TMPRSS11F: variants seen among roughly 807,000 people sequenced by gnomAD.
TMPRSS11F encodes transmembrane serine protease 11F, also known as transmembrane protease serine 11F.
In TMPRSS11F, 47 loss-of-function variants were observed where a neutral mutation model predicts 60.2. The ratio of observed to expected loss-of-function variants is 0.78; its 90% CI spans 0.62 to 1.00. The LOEUF is 1.00. Ranked by LOEUF, TMPRSS11F falls within the 50% of genes least tolerant of loss-of-function variation. The pLI is 0.00. For missense variants in TMPRSS11F, 519 were observed against 522.9 expected (o/e 0.99, Z 0.07); for synonymous variants, 166 against 167.3 (o/e 0.99, Z 0.06).
chr4:68,117,273 C>T (rs1453357156), intron 1 of TMPRSS11F, among the ~76,000 whole-genome samples: 1 of 151,820 alleles, frequency 6.6e-6, no homozygotes, highest in Non-Finnish European at 1.5e-5. Flanking sequence ...CGAGACCATC[C>T]AGGCTAACAC....
At chr4:68,058,210 A>G (rs1723086150) in intron 9 of TMPRSS11F, among the ~76,000 whole-genome samples, 1 of 152,194 alleles carries the variant, frequency 6.6e-6, no homozygotes, top group African/African-American at 2.4e-5. Context: ...CAAAATAGCT[A>G]AGAGAGTAAA....
chr4:68,066,294 C>T (rs1474060024), intron 7 of TMPRSS11F, among the ~76,000 whole-genome samples: 1 of 152,058 alleles, frequency 6.6e-6, no homozygotes, highest in Admixed American at 6.5e-5. Flanking sequence ...ACATATATGA[C>T]TTCAGGCCTT....
intron 3 of TMPRSS11F, among the ~76,000 whole-genome samples, chr4:68,083,593 C>A (rs1723749003): frequency 6.6e-6 from 1 of 151,958 alleles, no homozygotes; most frequent in Non-Finnish European, 1.5e-5. Flanking sequence ...TCTGAAAGCA[C>A]CAAGAAATGA....
rs773289961 is a variant in TMPRSS11F at position 68,064,745 on chromosome 4, T to C, written c.955A>G (p.Ile319Val). 11 of 1,614,046 alleles carry C rather than the reference T, an allele frequency of 6.8e-6. No individual in the cohort carries two copies. The East Asian group carries it at 1.6e-4, about 23-fold the overall frequency. The stretch of plus-strand genomic sequence containing the variant: ...ACACTTGTTTTAGGTGGCAACTTTA[T>C]AGATGAGTCTGGGAGGCAAACTCTC... ...VQRVCLPDSS[I>V]KLPPKTSVFV... is the part of the protein sequence containing the mutation. Residue 319 changes from isoleucine (I) to valine (V), a missense_variant, in exon 8 of 10, where the codon ATA becomes GTA. Transcript: ENST00000356291.
chr4:68,114,368 G>A (rs1724469905), intron 1 of TMPRSS11F, among the ~76,000 whole-genome samples: 1 of 151,726 alleles, frequency 6.6e-6, no homozygotes, highest in South Asian at 2.1e-4. Context: ...GCAACACTAG[G>A]AATGAGGAGA....
intron 1 of TMPRSS11F, among the ~76,000 whole-genome samples, chr4:68,121,947 A>G (rs1724632639): frequency 6.6e-6 from 1 of 152,232 alleles, no homozygotes; most frequent in African/African-American, 2.4e-5. Flanking sequence ...TCTAATGCCA[A>G]GTGGCCTTAT....
intron 9 of TMPRSS11F, among the ~76,000 whole-genome samples, chr4:68,055,357 A>C (rs528872934): frequency 6.6e-6 from 1 of 152,302 alleles, no homozygotes; most frequent in South Asian, 2.1e-4. Flanking sequence ...GAGGAGCATA[A>C]GAGTAAAAAT....
chr4:68,064,602 C>T, intron 8 of TMPRSS11F, 83 bp downstream of exon 8: 1 of 1,470,208 alleles, frequency 6.8e-7, no homozygotes, highest in Non-Finnish European at 9.2e-7. Flanking sequence ...TTATTAAAAG[C>T]TTAAGAGGGA....
chr4:68,078,020 A>ACCTGCCCTGC (rs912937736), intron 3 of TMPRSS11F, among the ~76,000 whole-genome samples: 1 of 152,000 alleles, frequency 6.6e-6, no homozygotes, highest in Non-Finnish European at 1.5e-5. Flanking sequence ...GGCTGGGCTG[A>ACCTGCCCTGC]CCTGCCCTGC....
intron 3 of TMPRSS11F, among the ~76,000 whole-genome samples, chr4:68,089,399 C>T (rs916973566): frequency 3.3e-5 from 5 of 152,128 alleles, no homozygotes; most frequent in Admixed American, 3.3e-4. Context: ...ACCTACAGCG[C>T]AACTAGTTGA....
chr4:68,070,455 AC>A (rs755322057), intron 5 of TMPRSS11F, among the ~76,000 whole-genome samples: 4 of 152,012 alleles, frequency 2.6e-5, no homozygotes, highest in Non-Finnish European at 5.9e-5. Context: ...TGCATCACAG[AC>A]CCCTGAGGGC....
In TMPRSS11F at chr4:68,059,306, G is replaced by A; in HGVS notation, c.1158+20C>T. On this transcript the variant is annotated intron_variant, in intron 9 of 9. Coordinates refer to ENST00000356291, the MANE Select transcript of TMPRSS11F (RefSeq NM_207407.2). The stretch of plus-strand genomic sequence containing the variant: ...ATGGAAACTTTCCTCATAAACTTTT[G>A]GCCTTGACTTTAAACTTACCTTACA... 6.2e-7 allele frequency: 1 copy of A among 1,603,256 alleles called. No homozygotes were observed. Among genetic ancestry groups the A allele is most frequent in the Non-Finnish European group, 8.5e-7 (1 of 1,174,500 alleles).
rs113666594 is a variant in TMPRSS11F at position 68,115,351 on chromosome 4, C to T, written c.11+14459G>A. Among the ~76,000 whole-genome samples, 671 of 87,718 alleles carry T rather than the reference C, an allele frequency of 7.6e-3. 5 individuals are homozygous for T. Among genetic ancestry groups the T allele is most frequent in the Middle Eastern group, 0.047 (7 of 150 alleles). The allele number at this position is 87,718 out of a possible 152,430, so 57.5% of individuals were successfully genotyped here. A position where few individuals can be genotyped will look rare whatever the true frequency, so the allele number is the denominator to read the frequency against. ...CAGCCTGGGCAACAGAGCAAGACAC[C>T]ATCTCAAAAAAAAAAAAAAAAAAAA... On this transcript the variant is annotated intron_variant, in intron 1 of 9. Transcript: ENST00000356291.
At chr4:68,118,011 AC>A (rs1724560553) in intron 1 of TMPRSS11F, among the ~76,000 whole-genome samples, 1 of 152,164 alleles carries the variant, frequency 6.6e-6, no homozygotes, top group East Asian at 1.9e-4. Flanking sequence ...CCAATGTGAC[AC>A]CTGAGACTGC....
At chr4:68,061,468 C>A (rs1723172486) in intron 8 of TMPRSS11F, among the ~76,000 whole-genome samples, 2 of 152,120 alleles carry the variant, frequency 1.3e-5, no homozygotes, top group Admixed American at 1.3e-4. Context: ...CCGATTTAAA[C>A]TGAGAACTGC....
At chr4:68,077,864 C>G (rs1723616300) in intron 3 of TMPRSS11F, among the ~76,000 whole-genome samples, 1 of 152,204 alleles carries the variant, frequency 6.6e-6, no homozygotes, top group South Asian at 2.1e-4. Flanking sequence ...GCTCCTGCAG[C>G]CTAGCACCTT....
rs1312759114 is a variant in TMPRSS11F at position 68,090,573 on chromosome 4, T to C, written c.232A>G (p.Ile78Val). Residue 78 changes from isoleucine to valine, a missense_variant, in exon 3 of 10, where the codon ATA becomes GTA. By Grantham distance (29) the Ile-to-Val change is conservative. Transcript: ENST00000356291. Reference sequence around the variant, plus strand: ...TCTATAAACTCTCTTGAAGATCTTATGCCATAATTTTCTTTATATTTGATA... The same window carrying C: ...TCTATAAACTCTCTTGAAGATCTTACGCCATAATTTTCTTTATATTTGATA... The part of the protein sequence containing the change: ...TNIKYKENYG[I>V]RSSREFIERS... The C allele has an allele frequency of 1.2e-6, 2 of 1,601,886 alleles. No individual in the cohort carries two copies. Among genetic ancestry groups the C allele is most frequent in the South Asian group, 2.2e-5 (2 of 90,418 alleles).
At chr4:68,111,345 A>G (rs1221674338) in intron 1 of TMPRSS11F, among the ~76,000 whole-genome samples, 1 of 152,142 alleles carries the variant, frequency 6.6e-6, no homozygotes, top group Non-Finnish European at 1.5e-5. Flanking sequence ...TGCCTACTGT[A>G]TTAAAAACAA....
At chr4:68,099,089 C>G (rs755342578) in intron 1 of TMPRSS11F, 51 bp from the exon 2 acceptor site, 1 of 1,493,740 alleles carries the variant, frequency 6.7e-7, no homozygotes, top group Non-Finnish European at 9.2e-7. Flanking sequence ...TATAGTTCAA[C>G]TTTATGTTTA....
Sources: gnomAD v4.1 joint callset for allele counts (sites outside exome capture counted in the v4.1 genomes callset) on GRCh38, gnomAD v4.1.1 for gene constraint, MANE v1.5 for transcripts, NCBI Gene and HGNC (gene_info 2026-07-23, HGNC 2026-07-21) for gene names.